DERL1: variants seen among roughly 807,000 people sequenced by gnomAD.
The protein encoded by DERL1 is derlin-1.
A neutral mutation model predicts 41.6 loss-of-function variants in DERL1; 24 were observed. That is an observed-to-expected ratio of 0.58 (90% CI 0.42 to 0.81). The LOEUF (loss-of-function observed/expected upper bound fraction) is 0.81, where lower values mean the gene tolerates loss of function less well. Among genes scored for constraint, DERL1 ranks in the 30% least tolerant of loss-of-function variants. DERL1 has a pLI of 0.00. For synonymous variants in DERL1, 124 were observed against 112.5 expected (o/e 1.10, Z -0.65); for missense variants, 260 against 314.3 (o/e 0.83, Z 1.31).
intron 1 of DERL1, among the ~76,000 whole-genome samples, chr8:123,035,996 G>A (rs903680829): frequency 6.6e-6 from 1 of 152,048 alleles, no homozygotes; most frequent in African/African-American, 2.4e-5. Flanking sequence ...GTAAACTGTG[G>A]CCTTTTTTGC....
In DERL1 at chr8:123,021,513, A is replaced by G; in HGVS notation, c.454-14T>C. 6.2e-7 allele frequency: 1 copy of G among 1,612,452 alleles called. No individual in the cohort carries two copies. The highest frequency in any genetic ancestry group is 8.5e-7 in the Non-Finnish European group (1 of 1,178,536). On this transcript the variant is annotated splice_polypyrimidine_tract_variant and intron_variant, in intron 5 of 7. Transcript: ENST00000259512. ...TAAATAGCAGGCCTAGGATGGAATG[A>G]ATATATGCAAATGTGAGTAGCCACA...
intron 1 of DERL1, among the ~76,000 whole-genome samples, chr8:123,031,822 A>G (rs925756577): frequency 1.3e-5 from 2 of 152,210 alleles, no homozygotes; most frequent in Admixed American, 1.3e-4. Flanking sequence ...CAATGCCACA[A>G]TGAATATTCT....
Position 123,019,226 on chromosome 8 carries a change from C to A in DERL1, c.586G>T (p.Gly196Ter). 2 of 1,613,846 alleles carry A rather than the reference C, an allele frequency of 1.2e-6. No individual in the cohort carries two copies. Among genetic ancestry groups the A allele is most frequent in the Non-Finnish European group, 1.7e-6 (2 of 1,179,778 alleles). Reference sequence around the variant, plus strand: ...TGAGGTGTGGATAGAAAATTTCTTCCTCCCAAGTCCATTGGGTATCTGAAC... The same window carrying A: ...TGAGGTGTGGATAGAAAATTTCTTCATCCCAAGTCCATTGGGTATCTGAAC... ...LMFRYPMDLG[G>*]RNFLSTPQFL... Residue 196 changes from glycine to a stop codon, truncating the protein, a stop_gained, in exon 7 of 8, where the codon GGA (glycine) becomes TGA (stop). Transcript: ENST00000259512. LOFTEE classifies it high-confidence loss of function.
At position 123,028,932 on chromosome 8, in the gene DERL1, C is replaced by T. The variant is rs545410253; in HGVS notation, c.265+1673G>A. ...AAATACAAAAGTCAGCCAGGTGTGG[C>T]GGTTTAACACCCATCCTTGTAGCTA... On this transcript the variant is annotated intron_variant, in intron 2 of 7. Coordinates refer to ENST00000259512, the MANE Select transcript of DERL1 (RefSeq NM_024295.6). Among the ~76,000 whole-genome samples, 7 of 151,888 alleles carry T rather than the reference C, an allele frequency of 4.6e-5. No individual in the cohort carries two copies. The South Asian group carries it at 8.3e-4, about 18-fold the overall frequency.
At position 123,030,604 on chromosome 8, in the gene DERL1, C is replaced by T. The variant is rs1812800455; in HGVS notation, c.265+1G>A. 6.4e-7 allele frequency: 1 copy of T among 1,562,678 alleles called. No homozygotes were observed. The highest frequency in any genetic ancestry group is 1.4e-5 in the African/African-American group (1 of 73,410). On this transcript the variant is annotated splice_donor_variant, in intron 2 of 7. Transcript: ENST00000259512. LOFTEE classifies it high-confidence loss of function. ...GCTTAAAACAACTATGGGTAACATA[C>T]CTGTTTCAAGTCGCGTAGAATACTG...
intron 1 of DERL1, among the ~76,000 whole-genome samples, chr8:123,036,961 A>G (rs1348759273): frequency 6.6e-6 from 1 of 152,226 alleles, no homozygotes; most frequent in Non-Finnish European, 1.5e-5. Flanking sequence ...ATTCCTGGAA[A>G]TAAATTAGAG....
At chr8:123,040,261 A>C (rs1813019067) in intron 1 of DERL1, among the ~76,000 whole-genome samples, 1 of 152,204 alleles carries the variant, frequency 6.6e-6, no homozygotes, top group Non-Finnish European at 1.5e-5. Context: ...ATAAGGGATA[A>C]GGGAGTGGAG....
At position 123,022,673 on chromosome 8, in the gene DERL1, A is replaced by G; in HGVS notation, c.453+11T>C. On this transcript the variant is annotated intron_variant, in intron 5 of 7. Transcript: ENST00000259512. The stretch of plus-strand genomic sequence containing the variant: ...AATGAAAAGGACACTTTTCCAACCA[A>G]GGCAAAGTACCTTAAATCGTGTTCC... 1 of 1,612,570 alleles carries G rather than the reference A, an allele frequency of 6.2e-7. No homozygotes were observed. Among genetic ancestry groups the G allele is most frequent in the East Asian group, 2.2e-5 (1 of 44,876 alleles).
intron 2 of DERL1, among the ~76,000 whole-genome samples, chr8:123,025,953 C>T (rs1397358821): frequency 6.6e-6 from 1 of 151,706 alleles, no homozygotes; most frequent in Admixed American, 6.6e-5. Context: ...ATTCCTAATG[C>T]CTTCAGTTAG....
intron 2 of DERL1, among the ~76,000 whole-genome samples, chr8:123,028,205 A>G (rs1326951418): frequency 2.0e-5 from 3 of 152,228 alleles, no homozygotes; most frequent in African/African-American, 4.8e-5. Context: ...TTTTGCTTCA[A>G]ATAATCAGGG....
chr8:123,013,908 C>T lies in DERL1; in HGVS notation c.*1539G>A, dbSNP rs1814483835. On this transcript the variant is annotated 3_prime_UTR_variant, in exon 8 of 8. Transcript: ENST00000259512. Reference sequence around the variant, plus strand: ...TTAAATATGGAGAGGTACACACAAACTCTATTCAAAATGAGAAGTTGTTTG... The same window carrying T: ...TTAAATATGGAGAGGTACACACAAATTCTATTCAAAATGAGAAGTTGTTTG... 1.3e-5 allele frequency: 2 copies of T among 152,172 alleles called. No homozygotes were observed. The highest frequency in any genetic ancestry group is 2.4e-5 in the African/African-American group (1 of 41,420). 9.4% of individuals were successfully genotyped at this position (152,172 alleles called of 1,614,324 possible).
intron 1 of DERL1, among the ~76,000 whole-genome samples, chr8:123,035,867 T>TA (rs1249206138): frequency 6.6e-6 from 1 of 152,066 alleles, no homozygotes; most frequent in African/African-American, 2.4e-5. Context: ...TTTTTTTTTT[T>TA]AAAGTATGAA....
intron 1 of DERL1, 25 bp from the exon 2 acceptor site, chr8:123,030,741 C>T: frequency 6.8e-7 from 1 of 1,471,266 alleles, no homozygotes; most frequent in Non-Finnish European, 9.5e-7. Flanking sequence ...ATAAACACAG[C>T]TGTTAGTTTC....
intron 1 of DERL1, among the ~76,000 whole-genome samples, chr8:123,033,542 G>A (rs1266918830): frequency 3.9e-5 from 6 of 152,136 alleles, no homozygotes; most frequent in Admixed American, 6.5e-5. Context: ...TCGGGAGTTC[G>A]AGACCAGGCT....
chr8:123,037,158 C>T (rs541028529), intron 1 of DERL1, among the ~76,000 whole-genome samples: 69 of 152,074 alleles, frequency 4.5e-4, no homozygotes, highest in African/African-American at 1.5e-3. Context: ...TATTTTTTTT[C>T]CCATACCAAC....
At chr8:123,024,961 C>T in intron 3 of DERL1, 25 bp downstream of exon 3, 1 of 1,605,930 alleles carries the variant, frequency 6.2e-7, no homozygotes. Context: ...TTATTTCTGG[C>T]CCAAAATCAC....
At chr8:123,038,871 T>C (rs1468838854) in intron 1 of DERL1, among the ~76,000 whole-genome samples, 3 of 152,212 alleles carry the variant, frequency 2.0e-5, no homozygotes, top group Admixed American at 6.5e-5. Context: ...CATGTTTTTA[T>C]ATCCAACTGC....
At chr8:123,025,293 C>G (rs1359563815) in intron 2 of DERL1, among the ~76,000 whole-genome samples, 3 of 152,212 alleles carry the variant, frequency 2.0e-5, no homozygotes, top group African/African-American at 7.2e-5. Context: ...AAGTGACATG[C>G]TCTGACTACC....
chr8:123,023,918 G>A (rs867769091), intron 3 of DERL1, among the ~76,000 whole-genome samples, 179 bp from the exon 4 acceptor site: 10 of 152,092 alleles, frequency 6.6e-5, no homozygotes, highest in Admixed American at 2.0e-4. Context: ...AGGAGCTCCA[G>A]ACCAGCCTGG....
Sources: gnomAD v4.1 joint callset for allele counts (sites outside exome capture counted in the v4.1 genomes callset) on GRCh38, gnomAD v4.1.1 for gene constraint, MANE v1.5 for transcripts, NCBI Gene and HGNC (gene_info 2026-07-23, HGNC 2026-07-21) for gene names.